Variants in PPM1A observed in about 807,000 individuals in gnomAD.
PPM1A encodes the protein protein phosphatase 1A.
A neutral mutation model predicts 35.0 loss-of-function variants in PPM1A; 7 were observed. The observed-to-expected ratio is 0.20, with a 90% CI of 0.11 to 0.38. The LOEUF (loss-of-function observed/expected upper bound fraction) is 0.38. PPM1A is among the 10% of genes least tolerant of loss of function. The pLI, the probability that PPM1A is intolerant of heterozygous loss-of-function variation, is 1.00. For synonymous variants in PPM1A, 153 were observed against 167.3 expected, an observed-to-expected ratio of 0.91 and a Z score of 0.66; for missense variants, 239 against 467.8, an observed-to-expected ratio of 0.51 and a Z score of 4.51.
chr14:60,268,909 A>G (rs1176563400), intron 1 of PPM1A, among the ~76,000 whole-genome samples: 8 of 151,434 alleles, frequency 5.3e-5, no homozygotes, highest in Non-Finnish European at 1.0e-4. Context: ...ATTAATGTAT[A>G]ATTCAGATGT....
chr14:60,271,311 A>G (rs577693476), intron 1 of PPM1A, among the ~76,000 whole-genome samples: 2 of 152,334 alleles, frequency 1.3e-5, no homozygotes, highest in Admixed American at 1.3e-4. Context: ...CTCCATCTCA[A>G]GATTCTTAAT....
chr14:60,261,052 C>G (rs1232204827), intron 1 of PPM1A, among the ~76,000 whole-genome samples: 7 of 149,824 alleles, frequency 4.7e-5, no homozygotes, highest in Admixed American at 3.9e-4. Flanking sequence ...GAAAATACCA[C>G]TTAAGTCTTA....
chr14:60,245,833 G>T (rs1455903489), upstream of PPM1A: 2 of 1,566,816 alleles, frequency 1.3e-6, no homozygotes, highest in Admixed American at 1.9e-5. The surrounding 1 kb of genome is among the most constrained non-coding windows in gnomAD (Gnocchi z 4.2). Flanking sequence ...TCATTTAGGG[G>T]CACTGTCTGC....
rs563181352 is a variant in PPM1A at position 60,263,093 on chromosome 14, C to T, written c.-21+13416C>T. ...ATTAGCCGAACGTGGTGGTGCACGC[C>T]TGTAGTCCCATCTACTCAGGAGGCC... On this transcript the variant is annotated intron_variant, in intron 1 of 5. Coordinates refer to ENST00000395076, the MANE Select transcript of PPM1A (RefSeq NM_021003.5). 5.9e-5 allele frequency among the ~76,000 whole-genome samples: 9 copies of T among 152,226 alleles called. No homozygotes were observed. In the East Asian group the frequency reaches 1.7e-3, roughly 29 times the overall value.
intron 1 of PPM1A, among the ~76,000 whole-genome samples, chr14:60,255,061 A>G (rs1344317189): frequency 2.7e-5 from 4 of 150,452 alleles, no homozygotes; most frequent in African/African-American, 9.8e-5. Flanking sequence ...CTCATTTCTA[A>G]TATTTCTTCT....
chr14:60,246,606 G>C (rs1881799000), upstream of PPM1A, among the ~76,000 whole-genome samples: 2 of 152,106 alleles, frequency 1.3e-5, no homozygotes, highest in African/African-American at 4.8e-5. Context: ...GTTCAGAAGA[G>C]AACTTTCAAT....
chr14:60,271,501 G>C (rs1885103670), intron 1 of PPM1A, among the ~76,000 whole-genome samples: 1 of 152,170 alleles, frequency 6.6e-6, no homozygotes, highest in Non-Finnish European at 1.5e-5. Flanking sequence ...CTGTTTGTTA[G>C]AATCACAGAT....
At position 60,284,722 on chromosome 14, in the gene PPM1A, C is replaced by T. The variant is rs866025933; in HGVS notation, c.835-902C>T. On this transcript the variant is annotated intron_variant, in intron 2 of 5. Transcript: ENST00000395076. ...ATGTGTGTGTGTATATATATATATA[C>T]ATATATATATATATAATGCCTAGTT... Among the ~76,000 whole-genome samples, 104 of 112,402 alleles carry T rather than the reference C, an allele frequency of 9.3e-4. 1 individual carries two copies. The Middle Eastern group carries it at 0.031, about 33-fold the overall frequency. 73.7% of individuals were successfully genotyped at this position (112,402 alleles called of 152,430 possible).
At chr14:60,271,247 A>G (rs923629648) in intron 1 of PPM1A, among the ~76,000 whole-genome samples, 7 of 152,132 alleles carry the variant, frequency 4.6e-5, no homozygotes, top group African/African-American at 1.4e-4. Context: ...CTGACTCTCT[A>G]TTCTAAGGAC....
In PPM1A at chr14:60,292,408, C is replaced by T. The variant is rs17097301; in HGVS notation, c.1120-45C>T. ...CAGAAAGTATGGTGTATTTTGGCAC[C>T]GCTAAATTTTAACGTTGTTCCTTAT... On this transcript the variant is annotated intron_variant, in intron 5 of 5. Coordinates refer to ENST00000395076, the MANE Select transcript of PPM1A (RefSeq NM_021003.5). The surrounding 1 kb of genome is among the most constrained non-coding windows in gnomAD (Gnocchi z 4.2). 7.2e-4 allele frequency: 1,055 copies of T among 1,473,944 alleles called. 6 individuals carry two copies. The African/African-American group carries it at 9.5e-3, about 13-fold the overall frequency. 91.3% of individuals were successfully genotyped at this position (1,473,944 alleles called of 1,614,324 possible).
intron 1 of PPM1A, chr14:60,268,418 T>G (rs1566582714): frequency 1.0e-6 from 1 of 965,248 alleles, no homozygotes; most frequent in African/African-American, 1.8e-5. Flanking sequence ...TTTACAACAA[T>G]AAAATTCTAT....
At chr14:60,247,766 G>C (rs1456633874), upstream of PPM1A, among the ~76,000 whole-genome samples, 1 of 151,730 alleles carries the variant, frequency 6.6e-6, no homozygotes, top group Non-Finnish European at 1.5e-5. Flanking sequence ...AGAATAAATA[G>C]GTTGCTTTTG....
chr14:60,280,387 C>T (rs971268260), intron 1 of PPM1A, among the ~76,000 whole-genome samples: 2 of 152,290 alleles, frequency 1.3e-5, no homozygotes, highest in East Asian at 3.9e-4. Flanking sequence ...AGTAGTAGAG[C>T]CAGAATTTAA....
chr14:60,298,365 A>T lies in PPM1A; in HGVS notation c.*5883A>T, dbSNP rs1162818842. On this transcript the variant is annotated 3_prime_UTR_variant, in exon 6 of 6. Coordinates refer to ENST00000395076, the MANE Select transcript of PPM1A (RefSeq NM_021003.5). ...ATTTCATATTCTAAGGAATTAGGTT[A>T]TTTACTTACTAATTCAGGATGTTAA... 1 of 151,770 alleles carries T rather than the reference A, an allele frequency of 6.6e-6. No homozygotes were observed. Among genetic ancestry groups the T allele is most frequent in the East Asian group, 1.9e-4 (1 of 5,198 alleles). The allele number at this position is 151,770 out of a possible 1,614,324, so 9.4% of individuals were successfully genotyped here.
chr14:60,271,669 T>C (rs1885137115), intron 1 of PPM1A, among the ~76,000 whole-genome samples: 1 of 152,232 alleles, frequency 6.6e-6, no homozygotes, highest in African/African-American at 2.4e-5. Context: ...TATCAGGTTA[T>C]CAGTTTGTAA....
At chr14:60,262,726 TGTG>T (rs1883894512) in intron 1 of PPM1A, among the ~76,000 whole-genome samples, 1 of 151,992 alleles carries the variant, frequency 6.6e-6, no homozygotes. Flanking sequence ...CCTCTGAACA[TGTG>T]GGGATTTAAA....
intron 1 of PPM1A, among the ~76,000 whole-genome samples, chr14:60,257,127 T>A (rs1883226134): frequency 6.6e-6 from 1 of 152,248 alleles, no homozygotes; most frequent in Non-Finnish European, 1.5e-5. Flanking sequence ...CACACTTTTT[T>A]CTTATGGCTT....
At chr14:60,267,188 T>G (rs926609206) in intron 1 of PPM1A, 1 of 152,160 alleles carries the variant, frequency 6.6e-6, no homozygotes, top group Non-Finnish European at 1.5e-5. Context: ...TCAATAACCA[T>G]TATTTCTACA....
At chr14:60,251,295 T>TA (rs1882386626) in intron 1 of PPM1A, among the ~76,000 whole-genome samples, 1 of 152,268 alleles carries the variant, frequency 6.6e-6, no homozygotes, top group African/African-American at 2.4e-5. Flanking sequence ...AAAGGTGTAT[T>TA]AAGACTGATA....
Sources: gnomAD v4.1 joint callset for allele counts (sites outside exome capture counted in the v4.1 genomes callset) on GRCh38, gnomAD v4.1.1 for gene constraint, Gnocchi (gnomAD v3.1) non-coding constraint, MANE v1.5 for transcripts, NCBI Gene and HGNC (gene_info 2026-07-23, HGNC 2026-07-21) for gene names.